OR51M1: variants seen among roughly 807,000 people sequenced by gnomAD.
The protein encoded by OR51M1 is olfactory receptor 51M1.
For missense variants in OR51M1, 509 were observed against 404.4 expected, an observed-to-expected ratio of 1.26 and a Z score of -2.22; for synonymous variants, 199 against 155.1, an observed-to-expected ratio of 1.28 and a Z score of -2.10.
At chr11:5,384,859 G>T (rs149940368) in intron 1 of OR51M1, among the ~76,000 whole-genome samples, 1 of 152,122 alleles carries the variant, frequency 6.6e-6, no homozygotes, top group South Asian at 2.1e-4. Context: ...CTAAAAACAG[G>T]CATGTTTACA....
intron 2 of OR51M1, among the ~76,000 whole-genome samples, chr11:5,386,613 TAG>T (rs1849699478): frequency 6.6e-6 from 1 of 151,982 alleles, no homozygotes; most frequent in South Asian, 2.1e-4. Flanking sequence ...CAGTGATTCA[TAG>T]AGTTAGTACT....
chr11:5,384,062 A>G (rs1849648989), intron 1 of OR51M1, 145 bp downstream of exon 1: 1 of 152,220 alleles, frequency 6.6e-6, no homozygotes, highest in Non-Finnish European at 1.5e-5. Context: ...TCTCAGTTAC[A>G]ATTAAGGCTT....
intron 2 of OR51M1, among the ~76,000 whole-genome samples, chr11:5,386,203 A>G (rs1292571239): frequency 6.6e-6 from 1 of 152,134 alleles, no homozygotes; most frequent in East Asian, 1.9e-4. Flanking sequence ...TAAAAACAAG[A>G]AAAGTATGTG....
intron 2 of OR51M1, among the ~76,000 whole-genome samples, chr11:5,386,033 C>A (rs755243173): frequency 2.0e-5 from 3 of 151,454 alleles, no homozygotes; most frequent in Non-Finnish European, 2.9e-5. Flanking sequence ...ACAGGTACTA[C>A]GTGAGAACAG....
chr11:5,386,477 T>A (rs1159230893), intron 2 of OR51M1, among the ~76,000 whole-genome samples: 1 of 152,230 alleles, frequency 6.6e-6, no homozygotes, highest in East Asian at 1.9e-4. Context: ...ATATTCATGA[T>A]TATGTCAAGC....
At chr11:5,389,353 T>A in intron 2 of OR51M1, 31 bp from the exon 3 acceptor site, 5 of 1,571,820 alleles carry the variant, frequency 3.2e-6, no homozygotes, top group South Asian at 1.2e-5. Context: ...AGCTGAAGAA[T>A]TAATAACCAG....
Position 5,390,451 on chromosome 11 carries a change from A to G in OR51M1, c.*72A>G. 3 of 1,280,806 alleles carry G rather than the reference A, an allele frequency of 2.3e-6. No homozygotes were observed. Among genetic ancestry groups the G allele is most frequent in the South Asian group, 1.6e-5 (1 of 64,056 alleles). 79.3% of individuals were successfully genotyped at this position (1,280,806 alleles called of 1,614,324 possible). On this transcript the variant is annotated 3_prime_UTR_variant, in exon 3 of 3. Coordinates refer to ENST00000642046, the MANE Select transcript of OR51M1 (RefSeq NM_001004756.3). ...ATTGGACTGAAAATTTGGAGTATTG[A>G]GTATATAGCATGCTCTTAAAGATTT...
Position 5,390,291 on chromosome 11 carries a change from T to G in OR51M1, c.893T>G (p.Met298Arg). 1.2e-6 allele frequency: 2 copies of G among 1,613,944 alleles called. No homozygotes were observed. The highest frequency in any genetic ancestry group is 2.7e-5 in the African/African-American group (2 of 75,042). The part of the protein sequence containing the change: ...MANVYLFVPP[M>R]LNPIIYSIKT... ...AATGTCTACCTTTTTGTGCCTCCCA[T>G]GCTTAACCCAATCATATACAGCATT... Residue 298 changes from methionine (M) to arginine (R), a missense_variant, in exon 3 of 3, where the codon ATG becomes AGG. Met to Arg is a moderately conservative substitution (Grantham distance 91, BLOSUM62 -1). Coordinates refer to ENST00000642046, the MANE Select transcript of OR51M1 (RefSeq NM_001004756.3).
Position 5,389,393 on chromosome 11 carries a change from C to A in OR51M1, c.-6C>A. 1 of 1,609,292 alleles carries A rather than the reference C, an allele frequency of 6.2e-7. No individual in the cohort carries two copies. The highest frequency in any genetic ancestry group is 8.5e-7 in the Non-Finnish European group (1 of 1,176,458). On this transcript the variant is annotated 5_prime_UTR_variant, in exon 3 of 3. Coordinates refer to ENST00000642046, the MANE Select transcript of OR51M1 (RefSeq NM_001004756.3). The stretch of plus-strand genomic sequence containing the variant: ...ATCCATTTATTTTCAGCTCAATCCC[C>A]GAGGAATGTCAGTCCAATATTCGCT...
intron 2 of OR51M1, among the ~76,000 whole-genome samples, chr11:5,388,209 T>G (rs1311382512): frequency 6.6e-6 from 1 of 152,012 alleles, no homozygotes; most frequent in Non-Finnish European, 1.5e-5. Context: ...ATATGGTGGC[T>G]AAAAAAGTCA....
At chr11:5,386,295 G>A (rs2736536) in intron 2 of OR51M1, among the ~76,000 whole-genome samples, 1 of 151,784 alleles carries the variant, frequency 6.6e-6, no homozygotes, top group Non-Finnish European at 1.5e-5. Flanking sequence ...AAGAAGGACC[G>A]GGCTAAAGAT....
In OR51M1 at chr11:5,389,721, C is replaced by A. The variant is rs776468666; in HGVS notation, c.323C>A (p.Ala108Glu). ...AACTCCCATAGTATCTACTTTGGAG[C>A]GTGTCAAATCCAGATGTTCTGCATC... ...WFNSHSIYFGACQIQMFCIHS... is the reference protein window; with the variant it reads ...WFNSHSIYFGECQIQMFCIHS... The change falls in exon 3 of 3, where the codon GCG (alanine) becomes GAG (glutamate). Residue 108 changes from alanine to glutamate, a missense_variant. Ala to Glu is a moderately radical substitution (Grantham distance 107). Transcript: ENST00000642046. The A allele has an allele frequency of 2.5e-6, 4 of 1,613,744 alleles. No homozygotes were observed. In the Admixed American group the frequency reaches 5.0e-5, roughly 20 times the overall value.
intron 2 of OR51M1, among the ~76,000 whole-genome samples, chr11:5,385,944 C>CTATA (rs35325523): frequency 1.5e-4 from 22 of 147,934 alleles, no homozygotes; most frequent in South Asian, 2.1e-4. Flanking sequence ...TAAGTATGTT[C>CTATA]TATATATATA....
At chr11:5,386,038 G>C (rs1310570199) in intron 2 of OR51M1, among the ~76,000 whole-genome samples, 1 of 151,732 alleles carries the variant, frequency 6.6e-6, no homozygotes, top group African/African-American at 2.4e-5. Flanking sequence ...TACTACGTGA[G>C]AACAGAGAAA....
At chr11:5,388,546 C>G (rs1849737794) in intron 2 of OR51M1, among the ~76,000 whole-genome samples, 1 of 144,832 alleles carries the variant, frequency 6.9e-6, no homozygotes, top group Admixed American at 7.0e-5. Context: ...TACCTATGAG[C>G]AAGCATACTA....
intron 2 of OR51M1, among the ~76,000 whole-genome samples, chr11:5,386,441 A>G (rs7109909): frequency 0.18 from 27,546 of 152,156 alleles, 2,650 homozygotes; most frequent in African/African-American, 0.26. Flanking sequence ...GTGAAGTAGT[A>G]ATAAAATGTT....
intron 2 of OR51M1, among the ~76,000 whole-genome samples, chr11:5,386,352 A>G (rs1465893671): frequency 6.6e-6 from 1 of 152,158 alleles, no homozygotes; most frequent in African/African-American, 2.4e-5. Flanking sequence ...ATAGAGAGAC[A>G]AAGGTTCATA....
At position 5,390,105 on chromosome 11, in the gene OR51M1, C is replaced by A. The variant is rs1012383834; in HGVS notation, c.707C>A (p.Thr236Lys). Residue 236 changes from threonine (T) to lysine (K), a missense_variant, in exon 3 of 3, where the codon ACA (threonine) becomes AAA (lysine). Transcript: ENST00000642046. The part of the protein sequence containing the change: ...IALSYGLILH[T>K]VAGLASQEEQ... ...CTGTCCTATGGACTCATCCTGCACACAGTAGCAGGCCTGGCCTCCCAAGAG... is the reference window on the plus strand; with the variant it reads ...CTGTCCTATGGACTCATCCTGCACAAAGTAGCAGGCCTGGCCTCCCAAGAG... The A allele has an allele frequency of 6.2e-7, 1 of 1,613,684 alleles. No individual in the cohort carries two copies. Among genetic ancestry groups the A allele is most frequent in the Non-Finnish European group, 8.5e-7 (1 of 1,179,898 alleles).
Position 5,390,004 on chromosome 11 carries a change from A to G in OR51M1, c.606A>G (p.Thr202=). Residue 202 remains threonine (T), a synonymous_variant, in exon 3 of 3, where the codon ACA becomes ACG. Coordinates refer to ENST00000642046, the MANE Select transcript of OR51M1 (RefSeq NM_001004756.3). ...LHQEVIQLAC[T]DITFNNLYGL... Reference sequence around the variant, plus strand: ...AGGAAGTGATACAGCTGGCCTGCACAGATATCACCTTCAATAATCTGTATG... The same window carrying G: ...AGGAAGTGATACAGCTGGCCTGCACGGATATCACCTTCAATAATCTGTATG... 6.2e-7 allele frequency: 1 copy of G among 1,613,306 alleles called. No individual in the cohort carries two copies. Among genetic ancestry groups the G allele is most frequent in the East Asian group, 2.2e-5 (1 of 44,876 alleles).
Sources: allele counts gnomAD v4.1 joint callset (sites outside exome capture counted in the v4.1 genomes callset), GRCh38; gene constraint gnomAD v4.1.1; transcripts MANE v1.5; gene names NCBI Gene and HGNC (gene_info 2026-07-23, HGNC 2026-07-21).